The following RTN4 variants were observed in gnomAD, a reference collection of about 807,000 sequenced individuals.
RTN4 encodes reticulon 4.
A neutral mutation model predicts 90.4 loss-of-function variants in RTN4; 32 were observed. The observed-to-expected ratio is 0.35, with a 90% CI of 0.27 to 0.48. The LOEUF (loss-of-function observed/expected upper bound fraction) is 0.48, where lower values mean the gene tolerates loss of function less well. Ranked by LOEUF, RTN4 falls within the 20% of genes least tolerant of loss-of-function variation. RTN4 has a pLI of 0.99. For missense variants in RTN4, 1,706 were observed against 1,430.2 expected (o/e 1.19, Z -3.11); for synonymous variants, 629 against 552.5 (o/e 1.14, Z -1.94).
chr2:54,981,572 C>T (rs1046313656), intron 5 of RTN4, among the ~76,000 whole-genome samples: 14 of 152,152 alleles, frequency 9.2e-5, no homozygotes, highest in Non-Finnish European at 8.8e-5. Flanking sequence ...AAAAGAAAAG[C>T]ACTACAGGTC....
At chr2:55,134,141 T>G in the RTN4 span, among the ~76,000 whole-genome samples, 1 of 152,152 alleles carries the variant, frequency 6.6e-6, no homozygotes, top group African/African-American at 2.4e-5. Flanking sequence ...GGCATTTCCT[T>G]TAGTATGCTA....
At chr2:55,085,484 C>T (rs1404400218) in intron 1 of RTN4, among the ~76,000 whole-genome samples, 1 of 152,152 alleles carries the variant, frequency 6.6e-6, no homozygotes, top group Non-Finnish European at 1.5e-5. Flanking sequence ...TTTCTTTCTC[C>T]TCAGAGGAGC....
At position 55,025,077 on chromosome 2, in the gene RTN4, T is replaced by C. The variant is rs559625826; in HGVS notation, c.3013+9A>G. 5.0e-6 allele frequency: 8 copies of C among 1,585,654 alleles called. No individual in the cohort carries two copies. The East Asian group carries it at 6.7e-5, about 13-fold the overall frequency. On this transcript the variant is annotated intron_variant, in intron 3 of 8. Coordinates refer to ENST00000337526, the MANE Select transcript of RTN4 (RefSeq NM_020532.5). ...ATGAAAGCACAAAACTGCATATAGA[T>C]TGGATTACCTGAAGTTTTACTCAGC...
Position 54,973,617 on chromosome 2 carries a change from T to C in RTN4, c.3482A>G (p.Gln1161Arg), listed in dbSNP as rs1171214856. Residue 1161 changes from glutamine (Q) to arginine (R), a missense_variant, in exon 8 of 9, where the codon CAG becomes CGG. Gln to Arg is a conservative substitution (Grantham distance 43). Transcript: ENST00000337526. ...VPVIYERHQA[Q>R]IDHYLGLANK... ...TGCAAGTCCTAGATAATGATCTATCTGTGCCTGAAAGAGAGGTATAAAGGA... is the reference window on the plus strand; with the variant it reads ...TGCAAGTCCTAGATAATGATCTATCCGTGCCTGAAAGAGAGGTATAAAGGA... 1 of 1,608,990 alleles carries C rather than the reference T, an allele frequency of 6.2e-7. No homozygotes were observed. Among genetic ancestry groups the C allele is most frequent in the Non-Finnish European group, 8.5e-7 (1 of 1,175,492 alleles).
chr2:55,026,546 A>G lies in RTN4; in HGVS notation c.1553T>C (p.Phe518Ser). ...CTCAGAATCCTGTGCTGCTACAAGA[A>G]AAGGGTTTGATGTTTTGGTGCTAGT... is the stretch of plus-strand genomic sequence containing the variant. The part of the protein sequence containing the change: ...KNTSTKTSNP[F>S]LVAAQDSETD... Residue 518 changes from phenylalanine (F) to serine (S), a missense_variant, in exon 3 of 9, where the codon TTT becomes TCT. Transcript: ENST00000337526. 1 of 1,613,686 alleles carries G rather than the reference A, an allele frequency of 6.2e-7. No homozygotes were observed. Among genetic ancestry groups the G allele is most frequent in the South Asian group, 1.1e-5 (1 of 91,066 alleles).
intron 1 of RTN4, among the ~76,000 whole-genome samples, chr2:55,102,446 A>G (rs904583805): frequency 2.0e-5 from 3 of 152,184 alleles, no homozygotes; most frequent in Non-Finnish European, 4.4e-5. Flanking sequence ...AAACAAAGGG[A>G]CATAGCTGTG....
chr2:55,100,147 G>T (rs1028863461), intron 1 of RTN4, among the ~76,000 whole-genome samples: 1 of 152,104 alleles, frequency 6.6e-6, no homozygotes, highest in African/African-American at 2.4e-5. Context: ...CATTCATAAG[G>T]TCACCAAGCA....
At chr2:55,028,021 A>C (rs1357733125) in intron 2 of RTN4, 143 bp downstream of exon 2, 1 of 651,462 alleles carries the variant, frequency 1.5e-6, no homozygotes, top group Non-Finnish European at 2.5e-6. Context: ...TATAAAATGC[A>C]CATTTCAACT....
intron 1 of RTN4, among the ~76,000 whole-genome samples, chr2:55,083,788 T>G (rs1409777235): frequency 6.6e-6 from 1 of 152,190 alleles, no homozygotes; most frequent in East Asian, 1.9e-4. Context: ...CTATCTTCTG[T>G]GTGAAATAAG....
intron 5 of RTN4, among the ~76,000 whole-genome samples, chr2:54,976,261 C>A (rs1194679943): frequency 6.6e-6 from 1 of 152,180 alleles, no homozygotes; most frequent in African/African-American, 2.4e-5. Flanking sequence ...CACTCCAAGT[C>A]CACAGGGGAA....
At chr2:54,988,285 C>G (rs376501646) in intron 3 of RTN4, among the ~76,000 whole-genome samples, 6 of 152,134 alleles carry the variant, frequency 3.9e-5, no homozygotes, top group South Asian at 4.1e-4. Context: ...CCTCTGCACT[C>G]CAGAATGGGC....
intron 2 of RTN4, among the ~76,000 whole-genome samples, chr2:55,062,424 G>A (rs187042162): frequency 1.3e-3 from 195 of 152,308 alleles, no homozygotes; most frequent in Non-Finnish European, 1.4e-3. Context: ...ACTGCCGTGG[G>A]GTCAGAGCCC....
chr2:55,115,383 C>T (rs1178232223), upstream of RTN4, among the ~76,000 whole-genome samples: 1 of 152,206 alleles, frequency 6.6e-6, no homozygotes, highest in African/African-American at 2.4e-5. Context: ...CATTACATCA[C>T]TATGAAACTG....
chr2:55,068,681 G>GT (rs1668436607), intron 2 of RTN4, among the ~76,000 whole-genome samples: 2 of 125,438 alleles, frequency 1.6e-5, no homozygotes, highest in Admixed American at 9.0e-5. Context: ...AAAAAAAAGG[G>GT]GGGGGGGTGG....
At chr2:55,122,161 T>C in the RTN4 span, among the ~76,000 whole-genome samples, 1 of 152,214 alleles carries the variant, frequency 6.6e-6, no homozygotes, top group East Asian at 1.9e-4. Context: ...GTATTTTTTA[T>C]AGAGAGAGGA....
intron 3 of RTN4, among the ~76,000 whole-genome samples, chr2:55,015,186 A>G (rs1400310388): frequency 6.6e-6 from 1 of 152,136 alleles, no homozygotes; most frequent in Non-Finnish European, 1.5e-5. Context: ...TGCCCAGTTC[A>G]TGGAAGGCAA....
chr2:55,132,190 T>G, the RTN4 span, among the ~76,000 whole-genome samples: 1 of 152,150 alleles, frequency 6.6e-6, no homozygotes, highest in African/African-American at 2.4e-5. Flanking sequence ...TACACTATGC[T>G]CTCCACTTTT....
At chr2:54,997,589 G>C (rs938022087) in intron 3 of RTN4, among the ~76,000 whole-genome samples, 2 of 152,084 alleles carry the variant, frequency 1.3e-5, no homozygotes, top group Non-Finnish European at 2.9e-5. Flanking sequence ...AAAAAGAGGA[G>C]ACAGACAACC....
Position 55,027,073 on chromosome 2 carries a change from A to G in RTN4, c.1026T>C (p.Asn342=), listed in dbSNP as rs1681949102. 1 of 1,613,208 alleles carries G rather than the reference A, an allele frequency of 6.2e-7. No individual in the cohort carries two copies. The highest frequency in any genetic ancestry group is 1.3e-5 in the African/African-American group (1 of 74,878). ...TAAGAGCTGTAGGTAACTCTTGTTG[A>G]TTATGAAGGATGTTATTACTAACTA... is the stretch of plus-strand genomic sequence containing the variant. The part of the protein sequence containing the change: ...EKLVSNNILH[N]QQELPTALTK... Residue 342 remains asparagine, a synonymous_variant, in exon 3 of 9, where the codon AAT becomes AAC. Coordinates refer to ENST00000337526, the MANE Select transcript of RTN4 (RefSeq NM_020532.5).
Sources: gnomAD v4.1 joint callset for allele counts (sites outside exome capture counted in the v4.1 genomes callset) on GRCh38, gnomAD v4.1.1 for gene constraint, MANE v1.5 for transcripts, NCBI Gene and HGNC (gene_info 2026-07-23, HGNC 2026-07-21) for gene names.